B4GALT1: variants seen among roughly 807,000 people sequenced by gnomAD.
B4GALT1 encodes N-acetyllactosamine synthase.
A neutral mutation model predicts 34.9 loss-of-function variants in B4GALT1; 16 were observed. That is an observed-to-expected ratio of 0.46 (90% CI 0.31 to 0.70). The LOEUF is 0.70. Among genes scored for constraint, B4GALT1 ranks in the 30% least tolerant of loss-of-function variants. B4GALT1 has a pLI of 0.05. For synonymous variants in B4GALT1, 221 were observed against 218.1 expected, an observed-to-expected ratio of 1.01 and a Z score of -0.12; for missense variants, 445 against 530.5, an observed-to-expected ratio of 0.84 and a Z score of 1.58.
intron 1 of B4GALT1, among the ~76,000 whole-genome samples, chr9:33,150,804 A>G (rs1458297606): frequency 6.6e-6 from 1 of 152,238 alleles, no homozygotes; most frequent in East Asian, 1.9e-4. Context: ...GCAAGAGCAA[A>G]AACAGATACA....
chr9:33,162,312 G>A (rs1053045532), intron 1 of B4GALT1, among the ~76,000 whole-genome samples: 2 of 152,086 alleles, frequency 1.3e-5, no homozygotes, highest in African/African-American at 4.8e-5. Flanking sequence ...GATAGGGAAG[G>A]GGATAAATAC....
downstream of B4GALT1, among the ~76,000 whole-genome samples, chr9:33,109,491 A>G (rs1238897189): frequency 3.9e-5 from 6 of 152,374 alleles, no homozygotes; most frequent in East Asian, 1.2e-3. Flanking sequence ...CCCAATTTAT[A>G]GCTGGTTGGT....
chr9:33,164,195 T>C (rs1716303472), intron 1 of B4GALT1, among the ~76,000 whole-genome samples: 1 of 152,176 alleles, frequency 6.6e-6, no homozygotes, highest in Non-Finnish European at 1.5e-5. Flanking sequence ...GGAAAGGAAC[T>C]GCAAGTAGTG....
intron 2 of B4GALT1, among the ~76,000 whole-genome samples, chr9:33,128,561 C>G (rs1339703671): frequency 6.6e-6 from 1 of 152,166 alleles, no homozygotes; most frequent in East Asian, 1.9e-4. Context: ...CAGAGACACT[C>G]CCTGGCCTTC....
chr9:33,108,358 A>G (rs1353480836), downstream of B4GALT1, among the ~76,000 whole-genome samples: 3 of 151,798 alleles, frequency 2.0e-5, no homozygotes, highest in Admixed American at 2.0e-4. Context: ...CACACCTGCA[A>G]TCCCAGCACT....
At chr9:33,130,169 G>A (rs1378362651) in intron 2 of B4GALT1, among the ~76,000 whole-genome samples, 2 of 152,194 alleles carry the variant, frequency 1.3e-5, no homozygotes, top group African/African-American at 4.8e-5. Flanking sequence ...AGCTGTGCCT[G>A]CATTCCTTAC....
downstream of B4GALT1, among the ~76,000 whole-genome samples, chr9:33,107,007 T>C (rs1024249825): frequency 6.6e-6 from 1 of 152,118 alleles, no homozygotes; most frequent in African/African-American, 2.4e-5. Context: ...CTCTCTCTAC[T>C]CTTGGTGACC....
chr9:33,160,993 A>G (rs888357075), intron 1 of B4GALT1, among the ~76,000 whole-genome samples: 3 of 151,182 alleles, frequency 2.0e-5, no homozygotes, highest in African/African-American at 7.3e-5. Context: ...CCCTATCCCT[A>G]TCCCCAACAT....
intron 1 of B4GALT1, among the ~76,000 whole-genome samples, chr9:33,162,213 A>G (rs1840685136): frequency 6.6e-6 from 1 of 152,240 alleles, no homozygotes; most frequent in Non-Finnish European, 1.5e-5. Context: ...AAATTTTCAC[A>G]CAACCAAATA....
chr9:33,122,477 A>G (rs997397935), intron 2 of B4GALT1, among the ~76,000 whole-genome samples: 2 of 151,970 alleles, frequency 1.3e-5, no homozygotes, highest in African/African-American at 2.4e-5. Context: ...ACTGCACTCC[A>G]GCCTGGGCGG....
At chr9:33,132,542 G>T (rs1170825409) in intron 2 of B4GALT1, among the ~76,000 whole-genome samples, 1 of 152,240 alleles carries the variant, frequency 6.6e-6, no homozygotes, top group Non-Finnish European at 1.5e-5. Context: ...CTTAGGTGGT[G>T]CCCAGTGTTA....
At position 33,166,742 on chromosome 9, in the gene B4GALT1, C is replaced by G; in HGVS notation, c.412+16G>C. The G allele has an allele frequency of 6.7e-7, 1 of 1,495,850 alleles. No individual in the cohort carries two copies. Among genetic ancestry groups the G allele is most frequent in the South Asian group, 1.3e-5 (1 of 74,768 alleles). 92.7% of individuals were successfully genotyped at this position (1,495,850 alleles called of 1,614,324 possible). On this transcript the variant is annotated intron_variant, in intron 1 of 5. Transcript: ENST00000379731. ...GGGGTCCCAATCCTCCGACTGGCGC[C>G]GACCCGAGTCCTTACCAAGCAGCGG...
intron 1 of B4GALT1, among the ~76,000 whole-genome samples, chr9:33,156,212 C>A (rs936197213): frequency 7.9e-5 from 12 of 151,934 alleles, no homozygotes; most frequent in African/African-American, 2.9e-4. Context: ...GGGCTCACTG[C>A]AACCTCCGCC....
chr9:33,135,617 C>A (rs1840257907), intron 1 of B4GALT1, among the ~76,000 whole-genome samples, 193 bp from the exon 2 acceptor site: 1 of 152,190 alleles, frequency 6.6e-6, no homozygotes. Flanking sequence ...CCAACCATCC[C>A]CAGAAACCCC....
rs1267256253 is a variant in B4GALT1, at chr9:33,104,779, A to C, written c.651T>G (p.Tyr217Ter). The stretch of plus-strand genomic sequence containing the variant: ...ACCACAGGAGTCTTCTTATTTTTTC[A>C]TACTGTGGTAAAATACACATAACAG... The change falls in exon 3 of 3, where the codon TAT becomes TAG. Residue 217 changes from tyrosine to a stop codon, truncating the protein, a stop_gained and splice_region_variant. Transcript: ENST00000535206. LOFTEE classifies it high-confidence loss of function. 4.4e-6 allele frequency: 2 copies of C among 455,012 alleles called. No homozygotes were observed. The highest frequency in any genetic ancestry group is 8.8e-6 in the Non-Finnish European group (2 of 226,602). 28.2% of individuals were successfully genotyped at this position (455,012 alleles called of 1,614,324 possible). A position where few individuals can be genotyped will look rare whatever the true frequency, so the allele number is the denominator to read the frequency against.
At chr9:33,167,758 G>A (rs566326207), upstream of B4GALT1, among the ~76,000 whole-genome samples, 1 of 152,360 alleles carries the variant, frequency 6.6e-6, no homozygotes, top group Admixed American at 6.5e-5. Context: ...GTGGTTTGGG[G>A]CCGCGGCGGC....
intron 1 of B4GALT1, among the ~76,000 whole-genome samples, chr9:33,145,675 T>C (rs184001422): frequency 1.3e-5 from 2 of 152,260 alleles, no homozygotes; most frequent in African/African-American, 4.8e-5. Flanking sequence ...CACCCTTGGA[T>C]TGGCAAAAAA....
chr9:33,118,430 CAGG>C (rs1188994516), intron 3 of B4GALT1, among the ~76,000 whole-genome samples: 2 of 151,964 alleles, frequency 1.3e-5, no homozygotes, highest in African/African-American at 2.4e-5. Context: ...GAGGTCAAAG[CAGG>C]AGGATTGCTT....
intron 2 of B4GALT1, among the ~76,000 whole-genome samples, chr9:33,125,589 C>G (rs1840079471): frequency 6.6e-6 from 1 of 152,176 alleles, no homozygotes; most frequent in Non-Finnish European, 1.5e-5. Flanking sequence ...GGCTCCACTT[C>G]CACTTCCATG....
Sources: gnomAD v4.1 joint callset for allele counts (sites outside exome capture counted in the v4.1 genomes callset) on GRCh38, gnomAD v4.1.1 for gene constraint, MANE v1.5 for transcripts, NCBI Gene and HGNC (gene_info 2026-07-23, HGNC 2026-07-21) for gene names.